The following SLC1A1 variants were observed in gnomAD, a reference collection of about 807,000 sequenced individuals.
The protein encoded by SLC1A1 is solute carrier family 1 member 1.
A neutral mutation model predicts 53.3 loss-of-function variants in SLC1A1; 43 were observed. The observed-to-expected ratio is 0.81, with a 90% CI of 0.63 to 1.04. The LOEUF is 1.04. SLC1A1 is among the 50% of genes least tolerant of loss of function. SLC1A1 has a pLI of 0.00. For missense variants in SLC1A1, 748 were observed against 664.9 expected (o/e 1.12, Z -1.37); for synonymous variants, 307 against 243.2 (o/e 1.26, Z -2.44).
chr9:4,497,416 C>G (rs1473704146), intron 1 of SLC1A1, among the ~76,000 whole-genome samples: 1 of 152,120 alleles, frequency 6.6e-6, no homozygotes, highest in African/African-American at 2.4e-5. Flanking sequence ...TTCAGGAACC[C>G]TAAGGGAAGG....
In SLC1A1 at chr9:4,544,724, G is replaced by T; in HGVS notation, c.232+17G>T. On this transcript the variant is annotated intron_variant, in intron 2 of 11. Coordinates refer to ENST00000262352, the MANE Select transcript of SLC1A1 (RefSeq NM_004170.6). The stretch of plus-strand genomic sequence containing the variant: ...TGATTACAGGTACCTTGAGAAAACA[G>T]ATGTTCTCTATATTAGTCCATTTTC... 6.3e-7 allele frequency: 1 copy of T among 1,597,706 alleles called. No individual in the cohort carries two copies. The highest frequency in any genetic ancestry group is 1.1e-5 in the South Asian group (1 of 90,744).
chr9:4,564,439 G>T lies in SLC1A1; in HGVS notation c.421G>T (p.Ala141Ser). ...CACCCCTGAAGTCAGTACGGTGGAT[G>T]CCATGTTAGATCTCATCAGGTGAGT... ...GSTPEVSTVD[A>S]MLDLIRNMFP... The change falls in exon 4 of 12, where the codon GCC (alanine) becomes TCC (serine). Residue 141 changes from alanine to serine, a missense_variant. Coordinates refer to ENST00000262352, the MANE Select transcript of SLC1A1 (RefSeq NM_004170.6). 6.2e-7 allele frequency: 1 copy of T among 1,611,412 alleles called. No individual in the cohort carries two copies.
intron 2 of SLC1A1, among the ~76,000 whole-genome samples, chr9:4,545,164 C>A (rs543255588): frequency 1.6e-5 from 2 of 126,188 alleles, no homozygotes; most frequent in African/African-American, 5.8e-5. Context: ...TTTCTAATTA[C>A]GGGAAAAATT....
At chr9:4,542,705 T>C (rs561790971) in intron 1 of SLC1A1, among the ~76,000 whole-genome samples, 3 of 152,334 alleles carry the variant, frequency 2.0e-5, no homozygotes, top group African/African-American at 7.2e-5. Flanking sequence ...TATGTTCATA[T>C]AGAACAGCTG....
intron 1 of SLC1A1, among the ~76,000 whole-genome samples, chr9:4,493,047 C>T (rs748837393): frequency 1.3e-5 from 2 of 152,184 alleles, no homozygotes; most frequent in Non-Finnish European, 2.9e-5. Context: ...GCTCATTTTG[C>T]AGACATGGCC....
intron 1 of SLC1A1, among the ~76,000 whole-genome samples, chr9:4,524,146 TA>T (rs2130837525): frequency 6.6e-6 from 1 of 152,364 alleles, no homozygotes; most frequent in East Asian, 1.9e-4. Flanking sequence ...TACATGGGAA[TA>T]CTTGGAAAAG....
chr9:4,574,662 G>T (rs1218439255), intron 8 of SLC1A1, among the ~76,000 whole-genome samples: 2 of 152,038 alleles, frequency 1.3e-5, no homozygotes. Context: ...GATGAGGTGG[G>T]ATAAGTTATG....
intron 1 of SLC1A1, among the ~76,000 whole-genome samples, chr9:4,515,760 C>T (rs1470187210): frequency 6.6e-6 from 1 of 152,304 alleles, no homozygotes; most frequent in East Asian, 1.9e-4. Flanking sequence ...TCCAGCAGGA[C>T]TGAACCCTTG....
rs569262533 is a variant in SLC1A1, at chr9:4,534,796, C to T, written c.92-9771C>T. Among the ~76,000 whole-genome samples, 3 of 152,144 alleles carry T rather than the reference C, an allele frequency of 2.0e-5. No homozygotes were observed. The South Asian group carries it at 6.2e-4, about 32-fold the overall frequency. On this transcript the variant is annotated intron_variant, in intron 1 of 11. Coordinates refer to ENST00000262352, the MANE Select transcript of SLC1A1 (RefSeq NM_004170.6). ...CCAATATCCCTGATGAACATCGATGCAAAAATCCTCAGTAAAATACTGGCA... is the reference window on the plus strand; with the variant it reads ...CCAATATCCCTGATGAACATCGATGTAAAAATCCTCAGTAAAATACTGGCA...
intron 2 of SLC1A1, among the ~76,000 whole-genome samples, chr9:4,561,150 G>T (rs1184254910): frequency 1.3e-5 from 2 of 152,180 alleles, no homozygotes; most frequent in Non-Finnish European, 2.9e-5. Context: ...GCAAATGTGG[G>T]ACAGGGACTC....
chr9:4,508,889 G>A (rs1346490290), intron 1 of SLC1A1, among the ~76,000 whole-genome samples: 4 of 152,196 alleles, frequency 2.6e-5, no homozygotes, highest in Non-Finnish European at 4.4e-5. Context: ...GGGCGGTGGG[G>A]TACAGGAATG....
In SLC1A1 at chr9:4,585,316, C is replaced by T. The variant is rs587777696; in HGVS notation, c.1333C>T (p.Arg445Trp). Residue 445 changes from arginine (R) to tryptophan (W), a missense_variant, in exon 12 of 12, where the codon CGG becomes TGG. Transcript: ENST00000262352. ...LIIAVDWLLDRFRTMVNVLGD... is the reference protein window; with the variant it reads ...LIIAVDWLLDWFRTMVNVLGD... Reference sequence around the variant, plus strand: ...ACTCCTCCCGTCTCTCCCCAGGGACCGGTTCAGGACCATGGTCAACGTCCT... The same window carrying T: ...ACTCCTCCCGTCTCTCCCCAGGGACTGGTTCAGGACCATGGTCAACGTCCT... 5 of 1,613,574 alleles carry T rather than the reference C, an allele frequency of 3.1e-6. No individual in the cohort carries two copies. Among genetic ancestry groups the T allele is most frequent in the East Asian group, 2.2e-5 (1 of 44,882 alleles).
At chr9:4,543,247 G>T (rs1448672418) in intron 1 of SLC1A1, among the ~76,000 whole-genome samples, 1 of 152,060 alleles carries the variant, frequency 6.6e-6, no homozygotes, top group Non-Finnish European at 1.5e-5. Flanking sequence ...GAGTTTTTAG[G>T]TTCACATACC....
At chr9:4,535,380 T>A (rs1816636000) in intron 1 of SLC1A1, among the ~76,000 whole-genome samples, 2 of 152,272 alleles carry the variant, frequency 1.3e-5, no homozygotes, top group Admixed American at 1.3e-4. Context: ...AAAATCAATG[T>A]GCAAAAAATC....
intron 8 of SLC1A1, among the ~76,000 whole-genome samples, chr9:4,575,668 G>T (rs1820476806): frequency 6.6e-6 from 1 of 152,170 alleles, no homozygotes; most frequent in Non-Finnish European, 1.5e-5. Context: ...GAACTGAGCA[G>T]CAACAGAAGG....
rs1264805451 is a variant in SLC1A1 at position 4,576,136 on chromosome 9, G to A, written c.998+13G>A. On this transcript the variant is annotated intron_variant, in intron 9 of 11. Coordinates refer to ENST00000262352, the MANE Select transcript of SLC1A1 (RefSeq NM_004170.6). ...TGATCTCTTCCAGGTAAACAGAAGA[G>A]GGGTTTCTGGAAGAAGCCTCCAGGC... 1.2e-6 allele frequency: 2 copies of A among 1,613,244 alleles called. No homozygotes were observed. Among genetic ancestry groups the A allele is most frequent in the African/African-American group, 1.3e-5 (1 of 74,900 alleles).
rs760252029 is a variant in SLC1A1, at chr9:4,544,649, T to C, written c.174T>C (p.Ile58=). 2 of 1,613,840 alleles carry C rather than the reference T, an allele frequency of 1.2e-6. No individual in the cohort carries two copies. Among genetic ancestry groups the C allele is most frequent in the Non-Finnish European group, 1.7e-6 (2 of 1,179,712 alleles). The part of the protein sequence containing the change: ...EKFYFAFPGE[I]LMRMLKLIIL... ...TCTACTTTGCTTTTCCTGGAGAAAT[T>C]CTAATGCGGATGCTGAAACTCATCA... Residue 58 remains isoleucine (I), a synonymous_variant, in exon 2 of 12, where the codon ATT becomes ATC. Coordinates refer to ENST00000262352, the MANE Select transcript of SLC1A1 (RefSeq NM_004170.6).
chr9:4,536,586 C>T (rs1375875987), intron 1 of SLC1A1, among the ~76,000 whole-genome samples: 2 of 152,196 alleles, frequency 1.3e-5, no homozygotes, highest in African/African-American at 4.8e-5. Flanking sequence ...CACTTTTACA[C>T]TGTTGGTGGG....
chr9:4,503,924 T>C (rs1820718629), intron 1 of SLC1A1, among the ~76,000 whole-genome samples: 1 of 148,254 alleles, frequency 6.7e-6, no homozygotes, highest in African/African-American at 2.6e-5. Context: ...TGTATGAGTT[T>C]TTGAGTGAAG....
Sources: allele counts gnomAD v4.1 joint callset (sites outside exome capture counted in the v4.1 genomes callset), GRCh38; gene constraint gnomAD v4.1.1; transcripts MANE v1.5; gene names NCBI Gene and HGNC (gene_info 2026-07-23, HGNC 2026-07-21).